The following PDE11A variants were observed in gnomAD, a reference collection of about 807,000 sequenced individuals.
PDE11A encodes the protein dual 3',5'-cyclic-AMP and -GMP phosphodiesterase 11A.
A neutral mutation model predicts 100.5 loss-of-function variants in PDE11A; 100 were observed. That is an observed-to-expected ratio of 1.00 (90% confidence interval 0.85 to 1.18). The LOEUF (loss-of-function observed/expected upper bound fraction) is 1.18. Ranked by LOEUF, PDE11A falls within the 50% of genes most tolerant of loss-of-function variation. PDE11A has a pLI of 0.00. For synonymous variants in PDE11A, 381 were observed against 420.8 expected, an observed-to-expected ratio of 0.91 and a Z score of 1.16; for missense variants, 1,141 against 1,152.6, an observed-to-expected ratio of 0.99 and a Z score of 0.15.
chr2:178,025,618 C>T (rs185975062), intron 1 of PDE11A, among the ~76,000 whole-genome samples: 76 of 152,156 alleles, frequency 5.0e-4, no homozygotes, highest in East Asian at 3.5e-3. Context: ...GAAACCAAAG[C>T]GCAACTGACG....
chr2:177,652,052 C>A (rs1431783579), intron 19 of PDE11A, among the ~76,000 whole-genome samples: 1 of 152,300 alleles, frequency 6.6e-6, no homozygotes. Flanking sequence ...CGATCTTTCC[C>A]GTTCCTGTCA....
chr2:177,841,108 T>G (rs113971477), intron 5 of PDE11A, among the ~76,000 whole-genome samples: 1 of 152,324 alleles, frequency 6.6e-6, no homozygotes, highest in African/African-American at 2.4e-5. Context: ...GCCAAATGAT[T>G]TTTTGAACTT....
At chr2:177,766,759 A>T (rs1317243345) in intron 10 of PDE11A, among the ~76,000 whole-genome samples, 1 of 152,210 alleles carries the variant, frequency 6.6e-6, no homozygotes, top group East Asian at 1.9e-4. Flanking sequence ...TTTACTGTCT[A>T]TATCAAGAAA....
chr2:177,818,060 G>A, intron 7 of PDE11A, 135 bp from the exon 8 acceptor site: 1 of 667,500 alleles, frequency 1.5e-6, no homozygotes, highest in Non-Finnish European at 2.7e-6. Context: ...TCAAGTGCCT[G>A]CCGATTTCAT....
chr2:178,055,466 G>C (rs1333928232), intron 1 of PDE11A, among the ~76,000 whole-genome samples: 1 of 152,006 alleles, frequency 6.6e-6, no homozygotes, highest in African/African-American at 2.4e-5. Context: ...CCTGCACGTT[G>C]TGCACATGTA....
intron 2 of PDE11A, among the ~76,000 whole-genome samples, chr2:178,097,466 C>T (rs1386576800): frequency 6.6e-6 from 1 of 152,052 alleles, no homozygotes; most frequent in Non-Finnish European, 1.5e-5. Flanking sequence ...ACCATCAGAT[C>T]TCGTGAGAAC....
chr2:178,072,855 GAA>G, upstream of PDE11A: 1 of 1,158,256 alleles, frequency 8.6e-7, no homozygotes, highest in Non-Finnish European at 1.1e-6. Flanking sequence ...AGGGAGGAGA[GAA>G]GAGGAGGGAG....
Position 178,004,757 on chromosome 2 carries a change from G to C in PDE11A, c.1071+9545C>G, listed in dbSNP as rs79304546. Among the ~76,000 whole-genome samples, 242 of 151,562 alleles carry C rather than the reference G, an allele frequency of 1.6e-3. 7 individuals carry two copies. The East Asian group carries it at 0.043, about 27-fold the overall frequency. The stretch of plus-strand genomic sequence containing the variant: ...AGTCCCTTAAATCAGAACGCAGCAA[G>C]CTCTCCTTACCCCCCAAACTTTTCC... On this transcript the variant is annotated intron_variant, in intron 2 of 19. Coordinates refer to ENST00000286063, the MANE Select transcript of PDE11A (RefSeq NM_016953.4).
At chr2:178,091,298 T>C in intron 2 of PDE11A, among the ~76,000 whole-genome samples, 1 of 152,150 alleles carries the variant, frequency 6.6e-6, no homozygotes, top group East Asian at 1.9e-4. Context: ...CTCCAATTCC[T>C]GGGCTCAAGC....
At chr2:177,946,036 C>T (rs1292936260) in intron 2 of PDE11A, among the ~76,000 whole-genome samples, 1,110 of 133,896 alleles carry the variant, frequency 8.3e-3, no homozygotes, top group South Asian at 0.014. Context: ...CCAGCCGCCC[C>T]GTCCGGGAGG....
chr2:178,093,777 T>C (rs2087452269), intron 2 of PDE11A, among the ~76,000 whole-genome samples: 1 of 152,210 alleles, frequency 6.6e-6, no homozygotes, highest in African/African-American at 2.4e-5. Flanking sequence ...GAAAGTCTTC[T>C]TAAATTCAGT....
Position 178,024,692 on chromosome 2 carries a change from AC to A in PDE11A, c.913-10233del, listed in dbSNP as rs1179982339. 5.9e-5 allele frequency among the ~76,000 whole-genome samples: 9 copies of A among 152,362 alleles called. No individual in the cohort carries two copies. The East Asian group carries it at 1.5e-3, about 26-fold the overall frequency. On this transcript the variant is annotated intron_variant, in intron 1 of 19. Coordinates refer to ENST00000286063, the MANE Select transcript of PDE11A (RefSeq NM_016953.4). ...TAGAGAAGTTAATGGAAATAAAAAA[AC>A]ATAAAATGAATAATCCATTGAAACA...
chr2:177,701,669 T>C (rs750931058), intron 13 of PDE11A, among the ~76,000 whole-genome samples: 4 of 152,248 alleles, frequency 2.6e-5, no homozygotes, highest in Non-Finnish European at 5.9e-5. Context: ...CTAAACCTTC[T>C]GTGACTTCTG....
chr2:177,718,504 A>C (rs2081476654), intron 12 of PDE11A, among the ~76,000 whole-genome samples: 1 of 152,254 alleles, frequency 6.6e-6, no homozygotes, highest in Non-Finnish European at 1.5e-5. Context: ...TTGATACTGC[A>C]GAGCCATTGG....
chr2:177,950,120 C>T (rs962881918), intron 2 of PDE11A, among the ~76,000 whole-genome samples: 4 of 152,196 alleles, frequency 2.6e-5, no homozygotes, highest in Non-Finnish European at 5.9e-5. Flanking sequence ...TCTTCTGACA[C>T]TATCTCCAAA....
intron 17 of PDE11A, among the ~76,000 whole-genome samples, chr2:177,672,931 TGCAGCA>T (rs2080704510): frequency 6.6e-6 from 1 of 152,212 alleles, no homozygotes; most frequent in South Asian, 2.1e-4. Context: ...TTAGGTAGTT[TGCAGCA>T]TATCCTTCTA....
intron 10 of PDE11A, among the ~76,000 whole-genome samples, chr2:177,730,746 T>C (rs997826454): frequency 6.6e-6 from 1 of 152,156 alleles, no homozygotes; most frequent in African/African-American, 2.4e-5. Context: ...GACAATTCTA[T>C]TTGTCATTTT....
At chr2:177,746,599 T>G (rs931623763) in intron 10 of PDE11A, among the ~76,000 whole-genome samples, 18 of 152,190 alleles carry the variant, frequency 1.2e-4, no homozygotes, top group Non-Finnish European at 2.9e-5. Flanking sequence ...AAAGAATCAG[T>G]CTGGTATTTT....
At chr2:177,856,498 T>C (rs192821065) in intron 5 of PDE11A, among the ~76,000 whole-genome samples, 1 of 152,160 alleles carries the variant, frequency 6.6e-6, no homozygotes, top group East Asian at 1.9e-4. Context: ...AAATGAACTA[T>C]TGTACATACA....
Sources: gnomAD v4.1 joint callset for allele counts (sites outside exome capture counted in the v4.1 genomes callset) on GRCh38, gnomAD v4.1.1 for gene constraint, MANE v1.5 for transcripts, NCBI Gene and HGNC (gene_info 2026-07-23, HGNC 2026-07-21) for gene names.